Variants in IFNAR2 observed in about 807,000 individuals in gnomAD.
The protein encoded by IFNAR2 is interferon alpha/beta receptor 2.
A neutral mutation model predicts 49.4 loss-of-function variants in IFNAR2; 30 were observed. That is an observed-to-expected ratio of 0.61 (90% CI 0.45 to 0.82). The LOEUF is 0.82. IFNAR2 is among the 40% of genes least tolerant of loss of function. The pLI is 0.00. For synonymous variants in IFNAR2, 224 were observed against 234.5 expected (o/e 0.96, Z 0.41); for missense variants, 600 against 622.7 (o/e 0.96, Z 0.39).
At chr21:33,246,208 C>G (rs549246907) in intron 4 of IFNAR2, among the ~76,000 whole-genome samples, 1 of 152,200 alleles carries the variant, frequency 6.6e-6, no homozygotes, top group South Asian at 2.1e-4. Flanking sequence ...GTAGCTGGGA[C>G]TACAGGCGCC....
At chr21:33,237,078 GGTGT>G (rs34322078) in intron 1 of IFNAR2, among the ~76,000 whole-genome samples, 30,545 of 147,646 alleles carry the variant, frequency 0.21, 3,242 homozygotes, top group Non-Finnish European at 0.24. Context: ...GGGAGAATGG[GGTGT>G]GTGTGTGTGT....
intron 1 of IFNAR2, among the ~76,000 whole-genome samples, chr21:33,239,220 G>A (rs1009399407): frequency 6.6e-6 from 1 of 152,114 alleles, no homozygotes; most frequent in Non-Finnish European, 1.5e-5. Flanking sequence ...ACAACTCCAG[G>A]CCCCTTGCCC....
At position 33,252,714 on chromosome 21, in the gene IFNAR2, A is replaced by G. The variant is rs200536427; in HGVS notation, c.593A>G (p.Asp198Gly). ...NMSGNFTYII[D>G]KLIPNTNYCV... ...AGTGGAAATTTCACCTATATCATTGACAAGTTAATTCCAAACACGAACTAC... is the reference window on the plus strand; with the variant it reads ...AGTGGAAATTTCACCTATATCATTGGCAAGTTAATTCCAAACACGAACTAC... Residue 198 changes from aspartate (D) to glycine (G), a missense_variant, in exon 7 of 9, where the codon GAC (aspartate) becomes GGC (glycine). Transcript: ENST00000342136. 5.5e-4 allele frequency: 890 copies of G among 1,613,896 alleles called. No individual in the cohort carries two copies. The highest frequency in any genetic ancestry group is 7.2e-4 in the Non-Finnish European group (844 of 1,179,814).
Position 33,263,776 on chromosome 21 carries a change from A to G in IFNAR2, c.*276A>G, listed in dbSNP as rs1294079652. The stretch of plus-strand genomic sequence containing the variant: ...ACTAATGCACTTAGGATGTTTCTGC[A>G]TCATGTCTACCAGGGAGCAGGGTTC... On this transcript the variant is annotated 3_prime_UTR_variant, in exon 9 of 9. Transcript: ENST00000342136. 4.9e-6 allele frequency: 2 copies of G among 406,944 alleles called. No individual in the cohort carries two copies. Among genetic ancestry groups the G allele is most frequent in the Non-Finnish European group, 8.9e-6 (2 of 225,024 alleles). The allele number at this position is 406,944 out of a possible 1,614,324, so 25.2% of individuals were successfully genotyped here. A position where few individuals can be genotyped will look rare whatever the true frequency, so the allele number is the denominator to read the frequency against.
chr21:33,245,158 C>A, intron 4 of IFNAR2, 84 bp downstream of exon 4: 1 of 992,794 alleles, frequency 1.0e-6, no homozygotes, highest in South Asian at 1.4e-5. Context: ...CTCTCTCTGT[C>A]TCTCCCTCTC....
intron 7 of IFNAR2, among the ~76,000 whole-genome samples, chr21:33,255,703 T>G (rs1481777274): frequency 6.6e-6 from 1 of 152,212 alleles, no homozygotes; most frequent in Non-Finnish European, 1.5e-5. Flanking sequence ...TGTGATTGAT[T>G]AAATTACTGG....
intron 1 of IFNAR2, among the ~76,000 whole-genome samples, chr21:33,235,328 C>T (rs1743297498): frequency 6.6e-6 from 1 of 152,218 alleles, no homozygotes; most frequent in South Asian, 2.1e-4. Context: ...GATGGAGTCA[C>T]TCTGGTTCCA....
At position 33,252,925 on chromosome 21, in the gene IFNAR2, G is replaced by A. The variant is rs1451985423; in HGVS notation, c.709+95G>A. 4.0e-6 allele frequency: 4 copies of A among 1,008,834 alleles called. No homozygotes were observed. In the African/African-American group the frequency reaches 4.7e-5, roughly 12 times the overall value. The allele number at this position is 1,008,834 out of a possible 1,614,324, so 62.5% of individuals were successfully genotyped here. ...GAAAAGAATCTGAAAAGAATTCATGGAGCACTAAAGGTCTTTCTTCCAGTA... is the reference window on the plus strand; with the variant it reads ...GAAAAGAATCTGAAAAGAATTCATGAAGCACTAAAGGTCTTTCTTCCAGTA... On this transcript the variant is annotated intron_variant, in intron 7 of 8. Transcript: ENST00000342136.
At chr21:33,249,920 G>A (rs1987724053) in intron 6 of IFNAR2, among the ~76,000 whole-genome samples, 1 of 152,112 alleles carries the variant, frequency 6.6e-6, no homozygotes, top group South Asian at 2.1e-4. Context: ...AAGAGGAGGT[G>A]AGGTCAGAGG....
chr21:33,246,707 T>C lies in IFNAR2; in HGVS notation c.222-11T>C. 1 of 1,602,312 alleles carries C rather than the reference T, an allele frequency of 6.2e-7. No individual in the cohort carries two copies. The highest frequency in any genetic ancestry group is 2.2e-5 in the East Asian group (1 of 44,816). On this transcript the variant is annotated splice_polypyrimidine_tract_variant and intron_variant, in intron 4 of 8. Coordinates refer to ENST00000342136, the MANE Select transcript of IFNAR2 (RefSeq NM_001289125.3). ...TAACAATTTCCTTTTTCCATTTTTT[T>C]CTTTCCAAAGTAAACCAGAAGATTT...
At chr21:33,248,568 T>A (rs1169472869) in intron 5 of IFNAR2, 141 bp from the exon 6 acceptor site, 3 of 590,894 alleles carry the variant, frequency 5.1e-6, no homozygotes, top group Non-Finnish European at 8.3e-6. Flanking sequence ...CTTAGTGGAA[T>A]AGCATTAGCA....
chr21:33,256,774 A>G (rs923381192), intron 7 of IFNAR2, among the ~76,000 whole-genome samples: 4 of 152,218 alleles, frequency 2.6e-5, no homozygotes, highest in African/African-American at 9.7e-5. Context: ...AACAGATTAA[A>G]AACTTCTCAC....
intron 2 of IFNAR2, among the ~76,000 whole-genome samples, chr21:33,242,752 C>CGT (rs1281098802): frequency 1.1e-4 from 1 of 8,712 alleles, no homozygotes; most frequent in Non-Finnish European, 2.2e-4. Context: ...AAAAAAATCT[C>CGT]GTGTGCGTGT....
chr21:33,255,917 C>T (rs1309564423), intron 7 of IFNAR2, among the ~76,000 whole-genome samples: 3 of 152,190 alleles, frequency 2.0e-5, no homozygotes, highest in East Asian at 1.9e-4. Context: ...ACAAAAGACA[C>T]TCCTAACGTT....
chr21:33,258,121 G>A (rs528593107), intron 7 of IFNAR2, among the ~76,000 whole-genome samples: 9 of 152,182 alleles, frequency 5.9e-5, no homozygotes, highest in Middle Eastern at 3.4e-3. Context: ...CCTAGCCAAC[G>A]TGGTAAAACC....
Position 33,230,074 on chromosome 21 carries a change from C to A in IFNAR2, c.-226C>A. ...CGGACCACCACCCGGCCGCACGGGC[C>A]GCTTTTGTCCCCCGCCCGCCGCTTC... On this transcript the variant is annotated 5_prime_UTR_variant, in exon 1 of 9. Coordinates refer to ENST00000342136, the MANE Select transcript of IFNAR2 (RefSeq NM_001289125.3). The surrounding 1 kb of genome is among the most constrained non-coding windows in gnomAD (Gnocchi z 5.5). The A allele has an allele frequency of 1.0e-6, 1 of 987,376 alleles. No homozygotes were observed. Among genetic ancestry groups the A allele is most frequent in the Non-Finnish European group, 1.2e-6 (1 of 830,796 alleles). The allele number at this position is 987,376 out of a possible 1,614,324, so 61.2% of individuals were successfully genotyped here. A position where few individuals can be genotyped will look rare whatever the true frequency, so the allele number is the denominator to read the frequency against.
chr21:33,254,032 C>CT (rs59738559), intron 7 of IFNAR2, among the ~76,000 whole-genome samples: 19,433 of 152,176 alleles, frequency 0.13, 1,604 homozygotes, highest in Non-Finnish European at 0.17. Flanking sequence ...TCAAATGCCT[C>CT]TGACACCAAT....
At chr21:33,240,195 G>C (rs1454750479) in intron 1 of IFNAR2, among the ~76,000 whole-genome samples, 2 of 152,156 alleles carry the variant, frequency 1.3e-5, no homozygotes, top group Non-Finnish European at 2.9e-5. Context: ...GGGCAAAGAT[G>C]GACCTTTTAT....
chr21:33,247,593 C>A (rs1036174553), intron 5 of IFNAR2, among the ~76,000 whole-genome samples: 6 of 152,088 alleles, frequency 3.9e-5, no homozygotes, highest in African/African-American at 1.4e-4. Context: ...TCATTATAAC[C>A]CAATGTTCTT....
Sources: allele counts gnomAD v4.1 joint callset (sites outside exome capture counted in the v4.1 genomes callset), GRCh38; gene constraint gnomAD v4.1.1; non-coding constraint Gnocchi (gnomAD v3.1); transcripts MANE v1.5; gene names NCBI Gene and HGNC (gene_info 2026-07-23, HGNC 2026-07-21).